The following STPG2 variants were observed in gnomAD, a reference collection of about 807,000 sequenced individuals.
STPG2 encodes sperm-tail PG-rich repeat-containing protein 2.
Under a neutral mutation model 54.2 loss-of-function variants are expected in STPG2, and 56 were observed. That is an observed-to-expected ratio of 1.03 (90% confidence interval 0.83 to 1.29). STPG2 has a LOEUF of 1.29. STPG2 is among the 50% of genes most tolerant of loss of function. The pLI, the probability that STPG2 is intolerant of heterozygous loss-of-function variation, is 0.00. For synonymous variants in STPG2, 200 were observed against 181.8 expected, an observed-to-expected ratio of 1.10 and a Z score of -0.81; for missense variants, 596 against 544.9, an observed-to-expected ratio of 1.09 and a Z score of -0.93.
At chr4:97,687,438 C>G (rs562386268) in intron 10 of STPG2, among the ~76,000 whole-genome samples, 62 of 152,158 alleles carry the variant, frequency 4.1e-4, no homozygotes, top group African/African-American at 1.4e-3. Context: ...TTCCTGGGTT[C>G]AAGTGAGTCT....
At chr4:97,919,600 T>C (rs1460149811) in intron 8 of STPG2, among the ~76,000 whole-genome samples, 1 of 152,036 alleles carries the variant, frequency 6.6e-6, no homozygotes, top group Non-Finnish European at 1.5e-5. Context: ...TCTCAAAAAT[T>C]GAATGAATAA....
intron 10 of STPG2, among the ~76,000 whole-genome samples, chr4:97,678,265 T>C (rs1326486050): frequency 6.6e-6 from 1 of 152,166 alleles, no homozygotes; most frequent in African/African-American, 2.4e-5. Context: ...CACACATAGC[T>C]AATTAATAGA....
At chr4:97,461,748 A>G (rs1357884742) in intron 4 of STPG2, among the ~76,000 whole-genome samples, 1 of 152,114 alleles carries the variant, frequency 6.6e-6, no homozygotes, top group Non-Finnish European at 1.5e-5. Flanking sequence ...TTCCATTTGC[A>G]TATCCTTTTT....
At chr4:97,642,538 AG>A (rs1192272876) in intron 10 of STPG2, among the ~76,000 whole-genome samples, 1 of 151,472 alleles carries the variant, frequency 6.6e-6, no homozygotes, top group African/African-American at 2.4e-5. Context: ...GGACCAAGGA[AG>A]TGAAAATATT....
At chr4:97,783,398 T>C (rs1252242308) in intron 9 of STPG2, among the ~76,000 whole-genome samples, 1 of 152,162 alleles carries the variant, frequency 6.6e-6, no homozygotes, top group Non-Finnish European at 1.5e-5. Context: ...CCAGTTAGAA[T>C]GGCGATCATT....
chr4:98,021,208 G>A (rs1351209408), intron 5 of STPG2, among the ~76,000 whole-genome samples: 1 of 124,982 alleles, frequency 8.0e-6, no homozygotes, highest in Admixed American at 7.6e-5. Context: ...CAGAGATTCT[G>A]GTATGTTGTG....
rs149357257 is a variant in STPG2 at position 97,779,428 on chromosome 4, C to A, written c.1204+61345G>T. On this transcript the variant is annotated intron_variant, in intron 9 of 10. Transcript: ENST00000295268. ...AACAAAGCCTCCAAGAAATACACGA[C>A]TATGTATAGACCAAATCTATATCTG... Among the ~76,000 whole-genome samples the A allele has an allele frequency of 3.7e-4, 56 of 152,166 alleles. 1 individual carries two copies. In the East Asian group the frequency reaches 7.9e-3, roughly 22 times the overall value.
At chr4:97,824,686 TAGTC>T (rs528165849) in intron 9 of STPG2, among the ~76,000 whole-genome samples, 264 of 152,244 alleles carry the variant, frequency 1.7e-3, no homozygotes, top group African/African-American at 6.0e-3. Context: ...GTTCATGAAA[TAGTC>T]AGCCCTAAAA....
chr4:98,067,595 G>A (rs923853133), intron 5 of STPG2, among the ~76,000 whole-genome samples: 2 of 152,070 alleles, frequency 1.3e-5, no homozygotes, highest in African/African-American at 4.8e-5. Context: ...GGAAAGGAAT[G>A]CAATATCAAT....
chr4:97,957,756 C>A (rs778031882), intron 7 of STPG2, among the ~76,000 whole-genome samples: 3 of 152,074 alleles, frequency 2.0e-5, no homozygotes, highest in Non-Finnish European at 2.9e-5. Flanking sequence ...GAGATTGGGG[C>A]CTTATCTTCA....
At chr4:97,915,635 C>T (rs1195927625) in intron 8 of STPG2, among the ~76,000 whole-genome samples, 1 of 151,920 alleles carries the variant, frequency 6.6e-6, no homozygotes, top group East Asian at 1.9e-4. Context: ...TTATGTTTGA[C>T]AGAGATAGAG....
intron 5 of STPG2, among the ~76,000 whole-genome samples, chr4:98,103,536 G>A (rs1739105215): frequency 6.6e-6 from 1 of 151,972 alleles, no homozygotes; most frequent in Non-Finnish European, 1.5e-5. Flanking sequence ...AGCTACTTGG[G>A]AGGCTGAGGC....
At chr4:97,454,614 T>C (rs1379904067) in intron 4 of STPG2, among the ~76,000 whole-genome samples, 1 of 107,296 alleles carries the variant, frequency 9.3e-6, no homozygotes, top group Admixed American at 1.1e-4. Flanking sequence ...TTTGTAAAAA[T>C]AAATATATAG....
intron 8 of STPG2, among the ~76,000 whole-genome samples, chr4:97,842,833 T>A (rs1728841734): frequency 6.6e-6 from 1 of 151,874 alleles, no homozygotes; most frequent in Admixed American, 6.6e-5. Context: ...GTATATTTAT[T>A]CTTCTCTGAA....
intron 4 of STPG2, among the ~76,000 whole-genome samples, chr4:97,473,957 G>A (rs1213339212): frequency 6.6e-6 from 1 of 151,890 alleles, no homozygotes; most frequent in Non-Finnish European, 1.5e-5. Context: ...AGGAGGTGGA[G>A]AATAGAGGGT....
intron 4 of STPG2, among the ~76,000 whole-genome samples, chr4:97,506,515 A>AT (rs1157125008): frequency 6.6e-6 from 1 of 151,730 alleles, no homozygotes; most frequent in Non-Finnish European, 1.5e-5. Context: ...TTAGGCAGAA[A>AT]TAAAAAAAAA....
chr4:97,562,034 C>T (rs145811998), intron 10 of STPG2, among the ~76,000 whole-genome samples: 2,353 of 152,154 alleles, frequency 0.015, 46 homozygotes, highest in African/African-American at 0.054. Flanking sequence ...CATTGGGCAG[C>T]ATGGCCATTT....
intron 10 of STPG2, among the ~76,000 whole-genome samples, chr4:97,693,145 A>G (rs1194802041): frequency 1.3e-5 from 2 of 152,002 alleles, no homozygotes; most frequent in African/African-American, 4.8e-5. Context: ...ATAAAAAAAA[A>G]AAAAAGAAAG....
At chr4:97,619,859 T>C (rs2148922969) in intron 10 of STPG2, among the ~76,000 whole-genome samples, 1 of 150,608 alleles carries the variant, frequency 6.6e-6, no homozygotes, top group East Asian at 2.0e-4. Context: ...AGTCTCGCTC[T>C]CTCTCTCAGT....
Sources: gnomAD v4.1 joint callset for allele counts (sites outside exome capture counted in the v4.1 genomes callset) on GRCh38, gnomAD v4.1.1 for gene constraint, MANE v1.5 for transcripts, NCBI Gene and HGNC (gene_info 2026-07-23, HGNC 2026-07-21) for gene names.